SYT1: variants seen among roughly 807,000 people sequenced by gnomAD.
The protein encoded by SYT1 is synaptotagmin-1.
SYT1 carries 8 observed loss-of-function variants against 44.8 expected under a neutral mutation model. That is an observed-to-expected ratio of 0.18 (90% CI 0.10 to 0.32). The LOEUF (loss-of-function observed/expected upper bound fraction) is 0.32, where lower values mean the gene tolerates loss of function less well. Ranked by LOEUF, SYT1 falls within the 10% of genes least tolerant of loss-of-function variation. The pLI is 1.00. For synonymous variants in SYT1, 154 were observed against 188.8 expected (o/e 0.82, Z 1.51); for missense variants, 286 against 509.3 (o/e 0.56, Z 4.22).
At chr12:79,379,023 G>T (rs1884113017) in intron 9 of SYT1, among the ~76,000 whole-genome samples, 1 of 152,246 alleles carries the variant, frequency 6.6e-6, no homozygotes, top group African/African-American at 2.4e-5. Context: ...AGGGGTGGGA[G>T]TTGGGGATGT....
intron 3 of SYT1, among the ~76,000 whole-genome samples, chr12:79,197,764 T>G (rs1380145120): frequency 6.6e-6 from 1 of 152,218 alleles, no homozygotes; most frequent in African/African-American, 2.4e-5. Flanking sequence ...TGTTAACATG[T>G]GTATGTCTGT....
At chr12:79,276,643 TC>T (rs1409707002) in intron 4 of SYT1, among the ~76,000 whole-genome samples, 1 of 149,756 alleles carries the variant, frequency 6.7e-6, no homozygotes, top group African/African-American at 2.5e-5. Flanking sequence ...GCCACTGCAC[TC>T]TAGCCTGGTG....
chr12:78,986,287 CT>C (rs1181564445), intron 2 of SYT1, among the ~76,000 whole-genome samples: 1 of 151,908 alleles, frequency 6.6e-6, no homozygotes, highest in Non-Finnish European at 1.5e-5. Context: ...TTGTATATCT[CT>C]GATAAACCAT....
chr12:79,125,631 A>T, intron 3 of SYT1, among the ~76,000 whole-genome samples: 1 of 151,554 alleles, frequency 6.6e-6, no homozygotes, highest in Admixed American at 6.6e-5. Context: ...AAAAAAAAGA[A>T]AAAAAGAAAA....
At position 78,897,044 on chromosome 12, in the gene SYT1, A is replaced by G. The variant is rs117621243; in HGVS notation, c.-217+31935A>G. On this transcript the variant is annotated intron_variant, in intron 1 of 10. Coordinates refer to ENST00000261205, the MANE Select transcript of SYT1 (RefSeq NM_005639.3). ...TCTATATAAGTGTATGACAATGTCA[A>G]TAGTCAACTGAAGGCAATATATTCG... is the stretch of plus-strand genomic sequence containing the variant. Among the ~76,000 whole-genome samples the G allele has an allele frequency of 7.5e-3, 1,137 of 151,972 alleles. 5 individuals carry two copies. The highest frequency in any genetic ancestry group is 0.011 in the Non-Finnish European group (720 of 67,858).
At chr12:79,113,126 A>G (rs1879103412) in intron 3 of SYT1, among the ~76,000 whole-genome samples, 1 of 152,142 alleles carries the variant, frequency 6.6e-6, no homozygotes, top group Admixed American at 6.6e-5. Flanking sequence ...TTTCAAAAGC[A>G]GCCATTTTTA....
In SYT1 at chr12:79,449,418, A is replaced by G; in HGVS notation, c.*294A>G. The G allele has an allele frequency of 9.2e-6, 3 of 326,774 alleles. No individual in the cohort carries two copies. The highest frequency in any genetic ancestry group is 1.7e-5 in the Non-Finnish European group (3 of 176,618). 20.2% of individuals were successfully genotyped at this position (326,774 alleles called of 1,614,324 possible). On this transcript the variant is annotated 3_prime_UTR_variant, in exon 11 of 11. Transcript: ENST00000261205. ...TGTTGTATATACCAGTATGCTAAAGATTTATTTCTAGTTTGTGTATTTGTA... is the reference window on the plus strand; with the variant it reads ...TGTTGTATATACCAGTATGCTAAAGGTTTATTTCTAGTTTGTGTATTTGTA...
chr12:78,957,286 G>A (rs1238023045), intron 1 of SYT1, among the ~76,000 whole-genome samples: 1 of 152,038 alleles, frequency 6.6e-6, no homozygotes, highest in Non-Finnish European at 1.5e-5. Flanking sequence ...TGGGCAACAT[G>A]GTGAGAGCCT....
intron 2 of SYT1, among the ~76,000 whole-genome samples, chr12:78,998,912 C>T (rs1461119421): frequency 6.6e-6 from 1 of 152,128 alleles, no homozygotes; most frequent in Non-Finnish European, 1.5e-5. Flanking sequence ...TGGTCAATAT[C>T]TTGAGTTTCC....
At chr12:79,183,398 A>G (rs1872646493) in intron 3 of SYT1, among the ~76,000 whole-genome samples, 1 of 151,926 alleles carries the variant, frequency 6.6e-6, no homozygotes, top group Non-Finnish European at 1.5e-5. Flanking sequence ...CCCCCAGGGG[A>G]CATGGGCAAT....
chr12:79,002,641 A>G (rs953447382), intron 2 of SYT1, among the ~76,000 whole-genome samples: 7 of 152,098 alleles, frequency 4.6e-5, no homozygotes, highest in African/African-American at 9.6e-5. Context: ...CCCTGAGCTT[A>G]TTTCATTTAT....
intron 3 of SYT1, among the ~76,000 whole-genome samples, chr12:79,103,304 T>C (rs1186518121): frequency 6.6e-6 from 1 of 152,194 alleles, no homozygotes; most frequent in Non-Finnish European, 1.5e-5. Context: ...AAATTTTCCT[T>C]ATCTTTGGGC....
chr12:78,938,630 G>A (rs566748346), intron 1 of SYT1, among the ~76,000 whole-genome samples: 2 of 152,114 alleles, frequency 1.3e-5, no homozygotes, highest in African/African-American at 4.8e-5. Context: ...TTACAGAAAC[G>A]AATAACTCAT....
chr12:79,249,306 T>G (rs956110895), intron 4 of SYT1, among the ~76,000 whole-genome samples: 21 of 151,302 alleles, frequency 1.4e-4, no homozygotes, highest in African/African-American at 4.9e-4. Context: ...GGGTTTCACC[T>G]TGTTAGCCAG....
intron 4 of SYT1, among the ~76,000 whole-genome samples, chr12:79,273,122 T>TTTC (rs1491421774): frequency 7.8e-5 from 4 of 51,138 alleles, no homozygotes; most frequent in African/African-American, 2.3e-4. Context: ...TTTTTCTTTC[T>TTTC]TTTTTTTTTT....
chr12:79,339,522 A>T (rs1208001910), intron 8 of SYT1, among the ~76,000 whole-genome samples: 18 of 149,724 alleles, frequency 1.2e-4, no homozygotes, highest in African/African-American at 4.2e-4. Context: ...GGGTCGTTTG[A>T]TTTTTCTTGT....
chr12:79,049,960 A>G (rs951302957), intron 3 of SYT1, among the ~76,000 whole-genome samples: 4 of 152,032 alleles, frequency 2.6e-5, no homozygotes, highest in African/African-American at 9.6e-5. Flanking sequence ...GCTTTCTTAT[A>G]AGAATAGAAA....
intron 9 of SYT1, among the ~76,000 whole-genome samples, chr12:79,405,660 A>G (rs1885218146): frequency 6.6e-6 from 1 of 152,140 alleles, no homozygotes. Context: ...AATCCTCTGT[A>G]AACAGTAGAG....
chr12:78,970,782 C>T (rs1701333265), intron 1 of SYT1, among the ~76,000 whole-genome samples: 1 of 152,026 alleles, frequency 6.6e-6, no homozygotes. Flanking sequence ...GAAATAAACC[C>T]AATATGGCTT....
Sources: allele counts gnomAD v4.1 joint callset (sites outside exome capture counted in the v4.1 genomes callset), GRCh38; gene constraint gnomAD v4.1.1; transcripts MANE v1.5; gene names NCBI Gene and HGNC (gene_info 2026-07-23, HGNC 2026-07-21).